BBS2: variants seen among roughly 807,000 people sequenced by gnomAD.
The protein encoded by BBS2 is BBSome complex member BBS2.
Under a neutral mutation model 83.0 loss-of-function variants are expected in BBS2, and 62 were observed. That is an observed-to-expected ratio of 0.75 (90% CI 0.61 to 0.92). BBS2 has a LOEUF of 0.92. Among genes scored for constraint, BBS2 ranks in the 40% least tolerant of loss-of-function variants. BBS2 has a pLI of 0.00. For synonymous variants in BBS2, 303 were observed against 326.1 expected (o/e 0.93, Z 0.76); for missense variants, 784 against 901.0 (o/e 0.87, Z 1.66).
At chr16:56,490,856 G>T (rs1417757707) in intron 15 of BBS2, among the ~76,000 whole-genome samples, 7 of 151,496 alleles carry the variant, frequency 4.6e-5, no homozygotes, top group African/African-American at 1.7e-4. Flanking sequence ...CCGCCTCCCG[G>T]GTTCACACCA....
chr16:56,494,693 T>G (rs1051474476), intron 15 of BBS2, among the ~76,000 whole-genome samples: 24 of 152,200 alleles, frequency 1.6e-4, no homozygotes, highest in African/African-American at 5.5e-4. Flanking sequence ...CCGGGCGCAG[T>G]AGCTCACACC....
intron 14 of BBS2, chr16:56,497,410 C>T (rs952009757): frequency 1.8e-5 from 9 of 487,922 alleles, no homozygotes; most frequent in East Asian, 7.8e-5. Flanking sequence ...GCTCTTTTAT[C>T]TTGAATTTGG....
chr16:56,488,648 C>G (rs533962599), intron 15 of BBS2, among the ~76,000 whole-genome samples: 1 of 152,218 alleles, frequency 6.6e-6, no homozygotes, highest in South Asian at 2.1e-4. Flanking sequence ...TTGATGGAAT[C>G]TTCATTATTT....
intron 15 of BBS2, among the ~76,000 whole-genome samples, chr16:56,493,077 A>G (rs1441904562): frequency 3.9e-5 from 6 of 152,148 alleles, no homozygotes; most frequent in Non-Finnish European, 1.5e-5. Context: ...TCTCCAAGAT[A>G]TATTTTAAAT....
intron 1 of BBS2, among the ~76,000 whole-genome samples, chr16:56,518,518 C>A (rs1487427782): frequency 1.3e-5 from 2 of 152,120 alleles, no homozygotes; most frequent in Admixed American, 6.6e-5. Context: ...AGCTCATGAC[C>A]CCACGTATTA....
chr16:56,482,539 T>G (rs1161587109), downstream of BBS2, among the ~76,000 whole-genome samples: 1 of 152,098 alleles, frequency 6.6e-6, no homozygotes, highest in Non-Finnish European at 1.5e-5. Context: ...GTTTATAGGT[T>G]GAAAATGAAA....
At position 56,502,381 on chromosome 16, in the gene BBS2, C is replaced by T. The variant is rs761345615; in HGVS notation, c.1016G>A (p.Arg339Gln). 9.9e-6 allele frequency: 16 copies of T among 1,614,236 alleles called. No homozygotes were observed. Among genetic ancestry groups the T allele is most frequent in the Non-Finnish European group, 1.1e-5 (13 of 1,180,038 alleles). The part of the protein sequence containing the change: ...MDTSAEQDLI[R>Q]ELSQKKQNLL... Reference sequence around the variant, plus strand: ...ATTCTGCTTCTTCTGACTCAGCTCTCGGATCAGGTCCTGCTCTGCACTGGT... The same window carrying T: ...ATTCTGCTTCTTCTGACTCAGCTCTTGGATCAGGTCCTGCTCTGCACTGGT... Residue 339 changes from arginine to glutamine, a missense_variant, in exon 9 of 17, where the codon CGA (arginine) becomes CAA (glutamine). Coordinates refer to ENST00000245157, the MANE Select transcript of BBS2 (RefSeq NM_031885.5).
intron 5 of BBS2, 121 bp from the exon 6 acceptor site, chr16:56,506,345 C>T: frequency 1.3e-6 from 1 of 769,102 alleles, no homozygotes; most frequent in Admixed American, 2.0e-5. Flanking sequence ...TTTAAAAGCG[C>T]TTCCAATCCA....
rs142396287 is a variant in BBS2, at chr16:56,511,276, A to G, written c.354T>C (p.Asp118=). The change falls in exon 3 of 17, where the codon GAT becomes GAC. Residue 118 remains aspartate, a synonymous_variant. Coordinates refer to ENST00000245157, the MANE Select transcript of BBS2 (RefSeq NM_031885.5). The stretch of plus-strand genomic sequence containing the variant: ...TCCCCAGCACAATTGCATTTGCCCC[A>G]TCTGCTACCTAAGAAAAGTAAAAGG... ...NSDLFYREVA[D]GANAIVLGTL... is the part of the protein sequence containing the mutation. The G allele has an allele frequency of 9.3e-6, 15 of 1,613,934 alleles. No homozygotes were observed. Among genetic ancestry groups the G allele is most frequent in the Non-Finnish European group, 1.2e-5 (14 of 1,179,990 alleles).
chr16:56,518,059 T>G lies in BBS2; in HGVS notation c.117+1687A>C, dbSNP rs552705350. On this transcript the variant is annotated intron_variant, in intron 1 of 16. Transcript: ENST00000245157. ...CTTGAACTCCTGACCTCAGATGATC[T>G]GCCTGCCTCAGCCTCTCAAAGTGCT... Among the ~76,000 whole-genome samples the G allele has an allele frequency of 3.3e-5, 5 of 152,248 alleles. No homozygotes were observed. The East Asian group carries it at 9.6e-4, about 29-fold the overall frequency.
In BBS2 at chr16:56,519,825, T is replaced by C. The variant is rs145463052; in HGVS notation, c.38A>G (p.Lys13Arg). The change falls in exon 1 of 17, where the codon AAA becomes AGA. Residue 13 changes from lysine to arginine, a missense_variant. Transcript: ENST00000245157. ...LPVFTLKLRH[K>R]ISPRMVAIGR... ...TATGGCCACCATTCGGGGGCTGATT[T>C]TGTGGCGCAGTTTCAGGGTGAACAC... is the stretch of plus-strand genomic sequence containing the variant. The C allele has an allele frequency of 6.2e-7, 1 of 1,613,886 alleles. No homozygotes were observed. Among genetic ancestry groups the C allele is most frequent in the African/African-American group, 1.3e-5 (1 of 75,042 alleles).
rs149855672 is a variant in BBS2, at chr16:56,501,135, C to G, written c.1226-110G>C. On this transcript the variant is annotated intron_variant, in intron 10 of 16. Coordinates refer to ENST00000245157, the MANE Select transcript of BBS2 (RefSeq NM_031885.5). Reference sequence around the variant, plus strand: ...ACCATCTTGGCTAACACGGTGAAACCCTATCTCTACTAAAAATACAAAAAA... The same window carrying G: ...ACCATCTTGGCTAACACGGTGAAACGCTATCTCTACTAAAAATACAAAAAA... 1.9e-3 allele frequency: 2,568 copies of G among 1,375,914 alleles called. 32 individuals carry two copies. In the East Asian group the frequency reaches 0.04, roughly 22 times the overall value. The allele number at this position is 1,375,914 out of a possible 1,614,324, so 85.2% of individuals were successfully genotyped here.
rs753398421 is a variant in BBS2, at chr16:56,498,480, C to G, written c.1616G>C (p.Arg539Pro). Residue 539 changes from arginine to proline, a missense_variant, in exon 13 of 17, where the codon CGG (arginine) becomes CCG (proline). Arg to Pro is a moderately radical substitution (Grantham distance 103). Coordinates refer to ENST00000245157, the MANE Select transcript of BBS2 (RefSeq NM_031885.5). ...TTTTATATGCAGGTGGCCGCCATTCCGTAAAGATGTGAAACACACTTGAAA... is the reference window on the plus strand; with the variant it reads ...TTTTATATGCAGGTGGCCGCCATTCGGTAAAGATGTGAAACACACTTGAAA... The part of the protein sequence containing the change: ...APFQVCFTSL[R>P]NGGHLHIKIK... The G allele has an allele frequency of 6.2e-7, 1 of 1,613,824 alleles. No homozygotes were observed. Among genetic ancestry groups the G allele is most frequent in the Non-Finnish European group, 8.5e-7 (1 of 1,179,990 alleles).
downstream of BBS2, among the ~76,000 whole-genome samples, chr16:56,483,370 T>G (rs1191100092): frequency 1.3e-5 from 2 of 152,150 alleles, no homozygotes; most frequent in Non-Finnish European, 2.9e-5. Flanking sequence ...CCCACTGCCC[T>G]AAGACCTCCC....
intron 13 of BBS2, 85 bp from the exon 14 acceptor site, chr16:56,497,965 C>A: frequency 2.8e-6 from 4 of 1,434,810 alleles, no homozygotes; most frequent in Non-Finnish European, 3.9e-6. Context: ...TCCCCATACT[C>A]AACAAAATTA....
chr16:56,479,971 T>C (rs1185829105), downstream of BBS2, among the ~76,000 whole-genome samples: 1 of 152,220 alleles, frequency 6.6e-6, no homozygotes, highest in Non-Finnish European at 1.5e-5. Context: ...CTACCCGCCC[T>C]ATGGGCTTCA....
chr16:56,501,572 A>C (rs991213646), intron 9 of BBS2, 75 bp from the exon 10 acceptor site: 2 of 1,583,404 alleles, frequency 1.3e-6, no homozygotes, highest in African/African-American at 1.3e-5. Flanking sequence ...TAATATTGCT[A>C]TTCAGCTTCA....
chr16:56,479,898 C>T (rs1423714783), downstream of BBS2, among the ~76,000 whole-genome samples: 1 of 152,228 alleles, frequency 6.6e-6, no homozygotes, highest in Non-Finnish European at 1.5e-5. Context: ...TTAGCATCCT[C>T]ACGGGCTCCA....
intron 14 of BBS2, 21 bp downstream of exon 14, chr16:56,497,722 G>T: frequency 6.2e-7 from 1 of 1,612,262 alleles, no homozygotes; most frequent in Non-Finnish European, 8.5e-7. Flanking sequence ...TCTCACAAAT[G>T]CATCTACCGC....
Sources: gnomAD v4.1 joint callset for allele counts (sites outside exome capture counted in the v4.1 genomes callset) on GRCh38, gnomAD v4.1.1 for gene constraint, MANE v1.5 for transcripts, NCBI Gene and HGNC (gene_info 2026-07-23, HGNC 2026-07-21) for gene names.